Variants in LATS2 observed in about 807,000 individuals in gnomAD.
LATS2 encodes the protein large tumor suppressor kinase 2.
LATS2 carries 24 observed loss-of-function variants against 76.0 expected under a neutral mutation model. The observed-to-expected ratio is 0.32, with a 90% CI of 0.23 to 0.44. The LOEUF (loss-of-function observed/expected upper bound fraction) is 0.44, where lower values mean the gene tolerates loss of function less well. LATS2 is among the 20% of genes least tolerant of loss of function. The pLI, the probability that LATS2 is intolerant of heterozygous loss-of-function variation, is 1.00. For missense variants in LATS2, 1,286 were observed against 1,481.2 expected (o/e 0.87, Z 2.16); for synonymous variants, 692 against 635.4 (o/e 1.09, Z -1.34).
intron 1 of LATS2, among the ~76,000 whole-genome samples, chr13:21,051,932 G>A (rs917422277): frequency 2.6e-5 from 4 of 152,154 alleles, no homozygotes; most frequent in African/African-American, 9.7e-5. Flanking sequence ...ACTCCAGCCT[G>A]GGAGTCAGAG....
intron 2 of LATS2, among the ~76,000 whole-genome samples, chr13:20,998,625 G>A (rs1054499667): frequency 6.6e-6 from 1 of 152,244 alleles, no homozygotes; most frequent in Non-Finnish European, 1.5e-5. Context: ...GCCCCTGGAA[G>A]AATGAGGCCC....
intron 2 of LATS2, among the ~76,000 whole-genome samples, chr13:21,029,367 T>C (rs1565959656): frequency 6.6e-6 from 1 of 152,258 alleles, no homozygotes; most frequent in East Asian, 1.9e-4. Flanking sequence ...TATGATTAAT[T>C]ATATTGATTT....
At chr13:21,032,283 TGAGACA>T (rs1872553252) in intron 2 of LATS2, among the ~76,000 whole-genome samples, 1 of 84,076 alleles carries the variant, frequency 1.2e-5, no homozygotes, top group South Asian at 4.0e-4. Flanking sequence ...TTTTATTTTT[TGAGACA>T]GAGTCTCGCT....
rs1377794170 is a variant in LATS2 at position 20,973,385 on chromosome 13, A to ATAATAT, written c.*1479_*1484dup. The ATAATAT allele has an allele frequency of 4.3e-6, 1 of 231,528 alleles. No individual in the cohort carries two copies. The highest frequency in any genetic ancestry group is 6.2e-5 in the East Asian group (1 of 16,200). The allele number at this position is 231,528 out of a possible 1,614,324, so 14.3% of individuals were successfully genotyped here. A position where few individuals can be genotyped will look rare whatever the true frequency, so the allele number is the denominator to read the frequency against. ...AGAACTTCAAGGAAAAATATGTGGAATAATATAATGAAAATTATGAAGCAT... is the reference window on the plus strand; with the variant it reads ...AGAACTTCAAGGAAAAATATGTGGAATAATATTAATATAATGAAAATTATGAAGCAT... On this transcript the variant is annotated 3_prime_UTR_variant, in exon 8 of 8. Coordinates refer to ENST00000382592, the MANE Select transcript of LATS2 (RefSeq NM_014572.3).
At chr13:20,998,587 G>C (rs949975878) in intron 2 of LATS2, among the ~76,000 whole-genome samples, 1 of 152,152 alleles carries the variant, frequency 6.6e-6, no homozygotes, top group Non-Finnish European at 1.5e-5. Flanking sequence ...ATTTCCAAAG[G>C]GTGTTCCAAC....
At chr13:20,984,316 A>G in intron 4 of LATS2, among the ~76,000 whole-genome samples, 1 of 152,140 alleles carries the variant, frequency 6.6e-6, no homozygotes, top group East Asian at 1.9e-4. Flanking sequence ...TCTCTAGGAT[A>G]CTTTTGGCTC....
At chr13:21,044,792 T>C (rs1268220642) in intron 2 of LATS2, among the ~76,000 whole-genome samples, 1 of 151,498 alleles carries the variant, frequency 6.6e-6, no homozygotes, top group Non-Finnish European at 1.5e-5. Flanking sequence ...GTGCAGTGGC[T>C]ATCATAGCTC....
chr13:21,032,981 G>A (rs370596856), intron 2 of LATS2, among the ~76,000 whole-genome samples: 1 of 152,152 alleles, frequency 6.6e-6, no homozygotes, highest in Non-Finnish European at 1.5e-5. Flanking sequence ...AGAAATAAGT[G>A]GAGATCAGAT....
intron 2 of LATS2, among the ~76,000 whole-genome samples, chr13:21,030,538 G>A (rs1872483374): frequency 7.0e-6 from 1 of 142,068 alleles, no homozygotes; most frequent in Non-Finnish European, 1.5e-5. Context: ...GCAGCGAGCT[G>A]AGATCACACC....
At chr13:20,979,162 A>G (rs1869758189) in intron 7 of LATS2, among the ~76,000 whole-genome samples, 1 of 152,230 alleles carries the variant, frequency 6.6e-6, no homozygotes, top group Admixed American at 6.5e-5. Flanking sequence ...ACAGGATCTA[A>G]TACATATAAA....
At chr13:20,984,304 T>C (rs1870046110) in intron 4 of LATS2, among the ~76,000 whole-genome samples, 1 of 152,158 alleles carries the variant, frequency 6.6e-6, no homozygotes, top group South Asian at 2.1e-4. Context: ...AAGAAAGTTC[T>C]TTCTCTAGGA....
At chr13:21,042,434 A>T (rs1240632399) in intron 2 of LATS2, among the ~76,000 whole-genome samples, 1 of 152,170 alleles carries the variant, frequency 6.6e-6, no homozygotes, top group Non-Finnish European at 1.5e-5. Flanking sequence ...GGTGGCTTGA[A>T]CTTATAATTC....
intron 2 of LATS2, among the ~76,000 whole-genome samples, chr13:21,033,046 T>G (rs1272707782): frequency 6.6e-5 from 10 of 151,346 alleles, no homozygotes; most frequent in Admixed American, 5.3e-4. Flanking sequence ...TCAGGAAAAG[T>G]CCACCCGGGG....
chr13:20,995,741 G>C (rs1318380633), intron 2 of LATS2, among the ~76,000 whole-genome samples: 1 of 149,550 alleles, frequency 6.7e-6, no homozygotes, highest in Non-Finnish European at 1.5e-5. Context: ...ATCAACAGCA[G>C]CAACTTCCAA....
intron 2 of LATS2, among the ~76,000 whole-genome samples, chr13:21,001,382 G>A (rs1871034306): frequency 6.6e-6 from 1 of 152,198 alleles, no homozygotes; most frequent in Non-Finnish European, 1.5e-5. Flanking sequence ...GTATGTACGG[G>A]CTGCAGCCCC....
intron 2 of LATS2, among the ~76,000 whole-genome samples, chr13:21,025,208 C>T (rs1430975594): frequency 2.3e-5 from 3 of 127,920 alleles, no homozygotes; most frequent in Admixed American, 9.0e-5. Context: ...GGCGAAACCC[C>T]GTCTCTACTA....
At chr13:21,060,323 G>A (rs905804330) in intron 1 of LATS2, among the ~76,000 whole-genome samples, 1 of 152,234 alleles carries the variant, frequency 6.6e-6, no homozygotes, top group African/African-American at 2.4e-5. Context: ...TCCAGAGTCC[G>A]GCTGGGGAGC....
Position 21,045,713 on chromosome 13 carries a change from T to C in LATS2, c.314A>G (p.Gln105Arg), listed in dbSNP as rs1873046894. The change falls in exon 2 of 8, where the codon CAG becomes CGG. Residue 105 changes from glutamine to arginine, a missense_variant. Around this residue, in one of 5 missense-constraint regions of LATS2, gnomAD observed 101 missense variants for 141.4 expected, o/e 0.71. Coordinates refer to ENST00000382592, the MANE Select transcript of LATS2 (RefSeq NM_014572.3). ...AAAEVNRQML[Q>R]ELVNAGCDQE... is the part of the protein sequence containing the mutation. ...GTCGCATCCTGCGTTCACCAGTTCC[T>C]GCAGCATTTGCCGGTTCACTTCTGC... 3.1e-6 allele frequency: 5 copies of C among 1,614,192 alleles called. No individual in the cohort carries two copies. The highest frequency in any genetic ancestry group is 4.2e-6 in the Non-Finnish European group (5 of 1,180,012).
chr13:21,048,961 G>A (rs1873168373), intron 1 of LATS2, among the ~76,000 whole-genome samples: 1 of 152,232 alleles, frequency 6.6e-6, no homozygotes. Flanking sequence ...AAGCTGGGGT[G>A]AGGCAGGCAA....
Sources: gnomAD v4.1 joint callset for allele counts (sites outside exome capture counted in the v4.1 genomes callset) on GRCh38, gnomAD v4.1.1 for gene constraint, gnomAD v4.1.1 regional missense constraint, MANE v1.5 for transcripts, NCBI Gene and HGNC (gene_info 2026-07-23, HGNC 2026-07-21) for gene names.